The following WNK2 variants were observed in gnomAD, a reference collection of about 807,000 sequenced individuals.
The protein encoded by WNK2 is serine/threonine-protein kinase WNK2.
WNK2 carries 67 observed loss-of-function variants against 192.1 expected under a neutral mutation model. That is an observed-to-expected ratio of 0.35 (90% CI 0.29 to 0.43). The LOEUF is 0.43. Among genes scored for constraint, WNK2 ranks in the 20% least tolerant of loss-of-function variants. The pLI, the probability that WNK2 is intolerant of heterozygous loss-of-function variation, is 1.00. For missense variants in WNK2, 2,698 were observed against 3,089.7 expected (o/e 0.87, Z 3.01); for synonymous variants, 1,439 against 1,393.9 (o/e 1.03, Z -0.72).
intron 2 of WNK2, among the ~76,000 whole-genome samples, chr9:93,195,815 A>G (rs1196554277): frequency 1.3e-5 from 2 of 151,640 alleles, no homozygotes; most frequent in African/African-American, 4.9e-5. Flanking sequence ...TCTTGTTTGC[A>G]CATGTATAGC....
chr9:93,262,477 A>T (rs923297681), intron 13 of WNK2, among the ~76,000 whole-genome samples, 193 bp from the exon 14 acceptor site: 2 of 152,236 alleles, frequency 1.3e-5, no homozygotes, highest in Non-Finnish European at 2.9e-5. Context: ...CAACAAGATA[A>T]AAACCTCTAT....
Position 93,231,411 on chromosome 9 carries a change from C to T in WNK2, c.1075+303C>T, listed in dbSNP as rs188733176. Among the ~76,000 whole-genome samples, 291 of 152,346 alleles carry T rather than the reference C, an allele frequency of 1.9e-3. 2 individuals carry two copies. The highest frequency in any genetic ancestry group is 6.7e-3 in the African/African-American group (280 of 41,584). On this transcript the variant is annotated intron_variant, in intron 4 of 29. Coordinates refer to ENST00000427277, the MANE Select transcript of WNK2 (RefSeq NM_006648.4). ...CTGGCCCCAGATGGTCTTTGTGTTT[C>T]CCTCCGTGGCTGTGGCTTGGGTGCC...
intron 28 of WNK2, chr9:93,317,088 A>G (rs10992704): frequency 0.31 from 73,945 of 240,486 alleles, 12,179 homozygotes; most frequent in South Asian, 0.5. Context: ...ACCTCCCTGC[A>G]CACTTGCTTT....
At chr9:93,245,494 G>GTTTT (rs1173798745) in intron 7 of WNK2, among the ~76,000 whole-genome samples, 4 of 152,198 alleles carry the variant, frequency 2.6e-5, no homozygotes, top group Non-Finnish European at 5.9e-5. Context: ...AAGGGGCTGA[G>GTTTT]TTTGCATGTG....
rs1845542346 is a variant in WNK2, at chr9:93,268,608, T to C, written c.3914-19T>C. On this transcript the variant is annotated intron_variant, in intron 18 of 29. Transcript: ENST00000427277. Reference sequence around the variant, plus strand: ...AGGCGCTCACTCACTCAGCGTGCTGTTTCTGTTCTGCCCTTCAGTCCTGCA... The same window carrying C: ...AGGCGCTCACTCACTCAGCGTGCTGCTTCTGTTCTGCCCTTCAGTCCTGCA... 1 of 1,604,152 alleles carries C rather than the reference T, an allele frequency of 6.2e-7. No homozygotes were observed. Among genetic ancestry groups the C allele is most frequent in the African/African-American group, 1.3e-5 (1 of 74,682 alleles).
intron 28 of WNK2, among the ~76,000 whole-genome samples, chr9:93,311,914 G>A (rs1022086223): frequency 2.6e-5 from 4 of 152,182 alleles, no homozygotes; most frequent in Middle Eastern, 6.8e-3. Context: ...GCCACCGTGC[G>A]CCACCGCGTT....
intron 4 of WNK2, among the ~76,000 whole-genome samples, chr9:93,233,438 C>G (rs965474030): frequency 6.6e-6 from 1 of 151,870 alleles, no homozygotes; most frequent in Non-Finnish European, 1.5e-5. Flanking sequence ...ACTCACACCT[C>G]TAATCCCAGT....
At chr9:93,220,196 G>A (rs888664873) in intron 2 of WNK2, among the ~76,000 whole-genome samples, 1 of 152,212 alleles carries the variant, frequency 6.6e-6, no homozygotes, top group Non-Finnish European at 1.5e-5. Flanking sequence ...ATTACTTGCT[G>A]AGGGCTGGAC....
intron 5 of WNK2, 102 bp from the exon 6 acceptor site, chr9:93,238,131 C>G (rs753029406): frequency 1.2e-5 from 12 of 993,514 alleles, no homozygotes; most frequent in Non-Finnish European, 1.9e-5. Context: ...GTCCAGTGCC[C>G]GTGTCCTGCC....
chr9:93,306,628 C>G, intron 26 of WNK2, 149 bp from the exon 27 acceptor site: 2 of 1,005,268 alleles, frequency 2.0e-6, no homozygotes, highest in Non-Finnish European at 3.1e-6. Context: ...GCCCCGTTTC[C>G]CCCGGCCGGG....
intron 19 of WNK2, among the ~76,000 whole-genome samples, chr9:93,286,187 A>C (rs1438344951): frequency 6.6e-6 from 1 of 151,554 alleles, no homozygotes; most frequent in African/African-American, 2.5e-5. Context: ...ATTAAAATAA[A>C]AAACTATTGT....
At chr9:93,255,507 C>T (rs1256692776) in intron 9 of WNK2, among the ~76,000 whole-genome samples, 1 of 152,124 alleles carries the variant, frequency 6.6e-6, no homozygotes, top group Admixed American at 6.5e-5. Context: ...TCACACCATG[C>T]TGCCTTTCAT....
intron 19 of WNK2, among the ~76,000 whole-genome samples, chr9:93,287,433 C>G (rs988669674): frequency 6.6e-6 from 1 of 152,182 alleles, no homozygotes; most frequent in East Asian, 1.9e-4. Context: ...AGAATGGATG[C>G]GTGCATCATG....
intron 4 of WNK2, among the ~76,000 whole-genome samples, chr9:93,233,533 C>G (rs755578855): frequency 4.0e-5 from 6 of 151,430 alleles, no homozygotes; most frequent in Non-Finnish European, 8.8e-5. Context: ...CTGTCTCTAC[C>G]AAAAATACAA....
chr9:93,313,247 G>C (rs1853995516), intron 28 of WNK2, among the ~76,000 whole-genome samples: 1 of 152,068 alleles, frequency 6.6e-6, no homozygotes, highest in South Asian at 2.1e-4. Flanking sequence ...CTTTGAATGA[G>C]TCATACCTTC....
intron 2 of WNK2, among the ~76,000 whole-genome samples, chr9:93,204,476 G>T (rs1350839905): frequency 6.6e-6 from 1 of 152,204 alleles, no homozygotes; most frequent in Non-Finnish European, 1.5e-5. Flanking sequence ...GCCCCAGGAG[G>T]ACTCAGGGTT....
At chr9:93,301,799 C>T (rs1851662025) in intron 26 of WNK2, among the ~76,000 whole-genome samples, 1 of 152,222 alleles carries the variant, frequency 6.6e-6, no homozygotes, top group Non-Finnish European at 1.5e-5. Context: ...ACCCAGGCCC[C>T]ACTTCCACCC....
At chr9:93,293,816 T>TTCTTCCTTTCTCCTTCTCTCTC (rs1849768202) in intron 23 of WNK2, among the ~76,000 whole-genome samples, 1 of 150,200 alleles carries the variant, frequency 6.7e-6, no homozygotes, top group East Asian at 1.9e-4. Flanking sequence ...CCTTCCCTCT[T>TTCTTCCTTTCTCCTTCTCTCTC]TCTTCCTTTC....
chr9:93,193,266 G>A (rs983882835), intron 2 of WNK2, among the ~76,000 whole-genome samples: 2 of 152,206 alleles, frequency 1.3e-5, no homozygotes, highest in Non-Finnish European at 2.9e-5. Context: ...CCATGGGAGG[G>A]CACCTGTTTC....
Sources: allele counts gnomAD v4.1 joint callset (sites outside exome capture counted in the v4.1 genomes callset), GRCh38; gene constraint gnomAD v4.1.1; transcripts MANE v1.5; gene names NCBI Gene and HGNC (gene_info 2026-07-23, HGNC 2026-07-21).